The following AIMP1 variants were observed in gnomAD, a reference collection of about 807,000 sequenced individuals.
AIMP1 encodes aminoacyl tRNA synthetase complex interacting multifunctional protein 1.
Under a neutral mutation model 33.1 loss-of-function variants are expected in AIMP1, and 24 were observed. The observed-to-expected ratio is 0.73, with a 90% CI of 0.53 to 1.02. The LOEUF is 1.02. Ranked by LOEUF, AIMP1 falls within the 50% of genes least tolerant of loss-of-function variation. AIMP1 has a pLI of 0.00. For synonymous variants in AIMP1, 120 were observed against 121.5 expected, an observed-to-expected ratio of 0.99 and a Z score of 0.08; for missense variants, 367 against 364.8, an observed-to-expected ratio of 1.01 and a Z score of -0.05.
chr4:106,327,021 C>T (rs1278062979), intron 2 of AIMP1, among the ~76,000 whole-genome samples: 1 of 152,154 alleles, frequency 6.6e-6, no homozygotes, highest in Non-Finnish European at 1.5e-5. Context: ...AAGTGATCCT[C>T]TTGCCTCAGC....
chr4:106,316,243 T>A (rs1358260379), upstream of AIMP1: 1 of 295,818 alleles, frequency 3.4e-6, no homozygotes, highest in Non-Finnish European at 6.4e-6. Flanking sequence ...TCTTCCGCCC[T>A]CACAGCCACC....
upstream of AIMP1, chr4:106,316,404 G>T: frequency 1.3e-6 from 1 of 751,142 alleles, no homozygotes. Flanking sequence ...AAGACGAGGA[G>T]CGTGGTATGG....
At chr4:106,328,779 A>G (rs942988789) in intron 4 of AIMP1, among the ~76,000 whole-genome samples, 3 of 152,156 alleles carry the variant, frequency 2.0e-5, no homozygotes, top group African/African-American at 7.2e-5. Context: ...TAATTAACCA[A>G]CAAATTCTAT....
chr4:106,330,452 C>T (rs1025189798), intron 4 of AIMP1, among the ~76,000 whole-genome samples: 3 of 152,016 alleles, frequency 2.0e-5, no homozygotes, highest in African/African-American at 4.8e-5. Context: ...TTTTTTAAAG[C>T]TTGCTAATGA....
Position 106,348,379 on chromosome 4 carries a change from TGC to T in AIMP1, c.*688_*689del, listed in dbSNP as rs1434847714. The T allele has an allele frequency of 1.3e-5, 2 of 152,042 alleles. No homozygotes were observed. Among genetic ancestry groups the T allele is most frequent in the Non-Finnish European group, 2.9e-5 (2 of 67,978 alleles). 9.4% of individuals were successfully genotyped at this position (152,042 alleles called of 1,614,324 possible). ...AAAGAATGAACACATTGTAAACAGTTGCCACAGTAGTTTCTAATAAATTGATC... is the reference window on the plus strand; with the variant it reads ...AAAGAATGAACACATTGTAAACAGTTCACAGTAGTTTCTAATAAATTGATC... On this transcript the variant is annotated 3_prime_UTR_variant, in exon 7 of 7. Transcript: ENST00000672341.
In AIMP1 at chr4:106,328,042, AAT is replaced by A. The variant is rs1454587292; in HGVS notation, c.224-31_224-30del. 1.9e-6 allele frequency: 3 copies of A among 1,606,814 alleles called. No individual in the cohort carries two copies. The African/African-American group carries it at 4.0e-5, about 21-fold the overall frequency. On this transcript the variant is annotated intron_variant, in intron 3 of 6. Coordinates refer to ENST00000672341, the MANE Select transcript of AIMP1 (RefSeq NM_001142416.2). ...TATTTTTTGTCATATTTATTGGTTT[AAT>A]ATGAATGACATTATTTCATTTTCTG...
chr4:106,317,422 T>A (rs1768992009), intron 1 of AIMP1, among the ~76,000 whole-genome samples: 1 of 152,080 alleles, frequency 6.6e-6, no homozygotes, highest in African/African-American at 2.4e-5. Context: ...CTTTGGAGCG[T>A]TTTGAGCAGT....
chr4:106,334,987 G>C (rs1439712717), intron 5 of AIMP1, among the ~76,000 whole-genome samples: 2 of 152,140 alleles, frequency 1.3e-5, no homozygotes. Flanking sequence ...TCATTGTAAA[G>C]TTTGGCATTT....
chr4:106,347,403 G>A, intron 6 of AIMP1, 123 bp from the exon 7 acceptor site: 1 of 833,888 alleles, frequency 1.2e-6, no homozygotes, highest in Non-Finnish European at 1.8e-6. Flanking sequence ...TTAAAAGTTT[G>A]ATTAGGTCCA....
chr4:106,344,303 A>G (rs1409762373), intron 6 of AIMP1, among the ~76,000 whole-genome samples: 1 of 152,120 alleles, frequency 6.6e-6, no homozygotes, highest in Non-Finnish European at 1.5e-5. Flanking sequence ...TCTTTGATGT[A>G]CATGTTCCAA....
rs112181224 is a variant in AIMP1 at position 106,346,031 on chromosome 4, G to A, written c.773-1495G>A. ...TCTATCATTACTTAATTATACTTCA[G>A]CAATTTTTTTTATTACCTCCAGGAA... is the stretch of plus-strand genomic sequence containing the variant. On this transcript the variant is annotated intron_variant, in intron 6 of 6. Coordinates refer to ENST00000672341, the MANE Select transcript of AIMP1 (RefSeq NM_001142416.2). 6.1e-3 allele frequency among the ~76,000 whole-genome samples: 921 copies of A among 151,530 alleles called. 12 individuals carry two copies. The highest frequency in any genetic ancestry group is 0.021 in the African/African-American group (890 of 41,424).
chr4:106,345,533 A>G (rs1031737050), intron 6 of AIMP1, among the ~76,000 whole-genome samples: 1 of 152,156 alleles, frequency 6.6e-6, no homozygotes, highest in Non-Finnish European at 1.5e-5. Flanking sequence ...TCTATTTATT[A>G]GTTTCTCTAT....
Position 106,348,946 on chromosome 4 carries a change from A to G in AIMP1, c.*1254A>G, listed in dbSNP as rs769987073. On this transcript the variant is annotated 3_prime_UTR_variant, in exon 7 of 7. Coordinates refer to ENST00000672341, the MANE Select transcript of AIMP1 (RefSeq NM_001142416.2). The stretch of plus-strand genomic sequence containing the variant: ...TTATAGCTGTCTGAATCCTTCAATA[A>G]GAAGGAGAGGCACACACAAATACAC... 5.3e-5 allele frequency: 8 copies of G among 152,162 alleles called. No individual in the cohort carries two copies. Among genetic ancestry groups the G allele is most frequent in the Non-Finnish European group, 1.0e-4 (7 of 68,032 alleles). 9.4% of individuals were successfully genotyped at this position (152,162 alleles called of 1,614,324 possible). A position where few individuals can be genotyped will look rare whatever the true frequency, so the allele number is the denominator to read the frequency against.
At chr4:106,322,279 A>G (rs1217740995) in intron 1 of AIMP1, among the ~76,000 whole-genome samples, 2 of 150,794 alleles carry the variant, frequency 1.3e-5, no homozygotes, top group Non-Finnish European at 1.5e-5. Flanking sequence ...AGAATGATCA[A>G]TAAATACTAA....
upstream of AIMP1, chr4:106,316,153 C>G (rs1236688314): frequency 6.1e-6 from 1 of 163,126 alleles, no homozygotes; most frequent in African/African-American, 2.4e-5. Flanking sequence ...TCGCGGAACC[C>G]GGCGAGGAGC....
At chr4:106,321,046 T>A (rs1328052306) in intron 1 of AIMP1, among the ~76,000 whole-genome samples, 2 of 152,220 alleles carry the variant, frequency 1.3e-5, no homozygotes, top group Non-Finnish European at 2.9e-5. Flanking sequence ...GCTCACTCAG[T>A]GCTCAATGTT....
intron 2 of AIMP1, among the ~76,000 whole-genome samples, chr4:106,327,211 TAAAC>T (rs1378819068): frequency 6.6e-6 from 1 of 152,210 alleles, no homozygotes; most frequent in East Asian, 1.9e-4. Flanking sequence ...AAATGATTCA[TAAAC>T]AAAGTCTTTC....
At chr4:106,316,331 C>T (rs72878559), upstream of AIMP1, 5,518 of 559,152 alleles carry the variant, frequency 9.9e-3, 233 homozygotes, top group African/African-American at 0.093. Context: ...GGACATATAG[C>T]GAGAGAGAAA....
rs1421849621 is a variant in AIMP1 at position 106,336,313 on chromosome 4, A to T, written c.604-556A>T. 2.0e-5 allele frequency among the ~76,000 whole-genome samples: 3 copies of T among 150,984 alleles called. No individual in the cohort carries two copies. The East Asian group carries it at 5.8e-4, about 29-fold the overall frequency. On this transcript the variant is annotated intron_variant, in intron 5 of 6. Transcript: ENST00000672341. ...TGCCTCAGCTTCCCAAGGAGCTGGG[A>T]TTATAGGTGTGAGCCACCACACCCA... is the stretch of plus-strand genomic sequence containing the variant.
Sources: gnomAD v4.1 joint callset for allele counts (sites outside exome capture counted in the v4.1 genomes callset) on GRCh38, gnomAD v4.1.1 for gene constraint, MANE v1.5 for transcripts, NCBI Gene and HGNC (gene_info 2026-07-23, HGNC 2026-07-21) for gene names.